LINGO2: variants seen among roughly 807,000 people sequenced by gnomAD.
The protein encoded by LINGO2 is leucine-rich repeat and immunoglobulin-like domain-containing nogo receptor-interacting protein 2.
A neutral mutation model predicts 30.6 loss-of-function variants in LINGO2; 14 were observed. The observed-to-expected ratio is 0.46, with a 90% CI of 0.30 to 0.72. The LOEUF is 0.72. Ranked by LOEUF, LINGO2 falls within the 30% of genes least tolerant of loss-of-function variation. The pLI, the probability that LINGO2 is intolerant of heterozygous loss-of-function variation, is 0.07. For missense variants in LINGO2, 729 were observed against 751.7 expected (o/e 0.97, Z 0.35); for synonymous variants, 317 against 288.5 (o/e 1.10, Z -1.00).
intron 5 of LINGO2, among the ~76,000 whole-genome samples, chr9:27,971,129 T>C (rs1450874612): frequency 6.6e-6 from 1 of 152,050 alleles, no homozygotes; most frequent in Non-Finnish European, 1.5e-5. Flanking sequence ...GTTCTATAGC[T>C]ACATGCTGTA....
chr9:28,800,432 T>A, the LINGO2 span, among the ~76,000 whole-genome samples: 1 of 152,216 alleles, frequency 6.6e-6, no homozygotes, highest in South Asian at 2.1e-4. Context: ...ACTGTCCTTT[T>A]GCAAATAATG....
chr9:29,002,301 G>A, the LINGO2 span, among the ~76,000 whole-genome samples: 2 of 151,942 alleles, frequency 1.3e-5, no homozygotes, highest in African/African-American at 4.8e-5. Flanking sequence ...ATTTAATCAT[G>A]TTTTGAACAG....
the LINGO2 span, among the ~76,000 whole-genome samples, chr9:28,817,984 A>T: frequency 6.6e-6 from 1 of 152,224 alleles, no homozygotes; most frequent in South Asian, 2.1e-4. Context: ...AGAAAACAAC[A>T]GTAAAATGGA....
chr9:28,939,254 G>T, the LINGO2 span, among the ~76,000 whole-genome samples: 1 of 152,110 alleles, frequency 6.6e-6, no homozygotes, highest in African/African-American at 2.4e-5. Flanking sequence ...CTCCTCCTCT[G>T]CTAGGACCTC....
chr9:28,158,356 T>C (rs1396576335), intron 4 of LINGO2, among the ~76,000 whole-genome samples: 2 of 152,112 alleles, frequency 1.3e-5, no homozygotes, highest in Non-Finnish European at 2.9e-5. Flanking sequence ...AAGATGAGAT[T>C]TGGGTGGGTC....
intron 3 of LINGO2, among the ~76,000 whole-genome samples, chr9:28,341,426 C>G (rs868683243): frequency 9.2e-5 from 14 of 152,150 alleles, no homozygotes; most frequent in African/African-American, 3.1e-4. Context: ...TCACAAAATA[C>G]AACTCTGTGA....
At chr9:28,650,785 T>G (rs568272918) in intron 1 of LINGO2, among the ~76,000 whole-genome samples, 40 of 152,324 alleles carry the variant, frequency 2.6e-4, no homozygotes, top group African/African-American at 9.6e-4. Flanking sequence ...TCATTATCCA[T>G]AGTGATCACT....
the LINGO2 span, among the ~76,000 whole-genome samples, chr9:28,859,876 G>T: frequency 6.6e-6 from 1 of 151,878 alleles, no homozygotes; most frequent in Non-Finnish European, 1.5e-5. Context: ...AGAGAAATAT[G>T]TAATAGTAAA....
intron 2 of LINGO2, among the ~76,000 whole-genome samples, chr9:28,409,156 T>C (rs1822643564): frequency 6.6e-6 from 1 of 152,108 alleles, no homozygotes; most frequent in African/African-American, 2.4e-5. Flanking sequence ...GTGTTTAAAA[T>C]GAAAACTTCC....
chr9:28,376,054 G>T (rs1365271416), intron 2 of LINGO2, among the ~76,000 whole-genome samples: 2 of 151,780 alleles, frequency 1.3e-5, no homozygotes, highest in South Asian at 2.1e-4. Context: ...TGGCATGCAG[G>T]TGATACACTA....
chr9:28,449,254 CT>C (rs1442809688), intron 2 of LINGO2, among the ~76,000 whole-genome samples: 1 of 152,006 alleles, frequency 6.6e-6, no homozygotes, highest in Non-Finnish European at 1.5e-5. Context: ...CAGGGAAGCA[CT>C]GGCTGGATTA....
At chr9:29,157,276 G>T in the LINGO2 span, among the ~76,000 whole-genome samples, 1 of 152,054 alleles carries the variant, frequency 6.6e-6, no homozygotes, top group African/African-American at 2.4e-5. Context: ...AATAAGATTT[G>T]ATATGTTCAA....
rs543098544 is a variant in LINGO2 at position 28,307,298 on chromosome 9, C to T, written c.-245-11932G>A. Among the ~76,000 whole-genome samples the T allele has an allele frequency of 2.6e-5, 4 of 152,202 alleles. No individual in the cohort carries two copies. In the South Asian group the frequency reaches 8.3e-4, roughly 32 times the overall value. On this transcript the variant is annotated intron_variant, in intron 3 of 5. Transcript: ENST00000379992. ...ATATATGTAAATCAATAAATGTAAT[C>T]CAGCACATAAACAGAACCAAAGACA...
At chr9:28,972,872 A>G in the LINGO2 span, among the ~76,000 whole-genome samples, 1 of 152,172 alleles carries the variant, frequency 6.6e-6, no homozygotes, top group African/African-American at 2.4e-5. Flanking sequence ...CAGCATGGGA[A>G]AAACCTGCCC....
At chr9:28,518,875 G>C (rs1167658604) in intron 1 of LINGO2, among the ~76,000 whole-genome samples, 1 of 152,168 alleles carries the variant, frequency 6.6e-6, no homozygotes. Flanking sequence ...CGGAAACCTA[G>C]AGAGAAAAGG....
At chr9:28,350,726 C>A (rs368391676) in intron 3 of LINGO2, among the ~76,000 whole-genome samples, 433 of 149,502 alleles carry the variant, frequency 2.9e-3, no homozygotes, top group African/African-American at 0.01. Context: ...ACACCTATTC[C>A]AAAATTGACC....
intron 1 of LINGO2, among the ~76,000 whole-genome samples, chr9:28,642,177 A>G (rs975149664): frequency 1.4e-4 from 21 of 152,246 alleles, no homozygotes; most frequent in Admixed American, 3.3e-4. Context: ...AATATACTGT[A>G]AAGTTCATTG....
chr9:28,525,740 C>T (rs190072385), intron 1 of LINGO2, among the ~76,000 whole-genome samples: 73 of 152,188 alleles, frequency 4.8e-4, no homozygotes, highest in African/African-American at 1.6e-3. Flanking sequence ...TGTCACAAAA[C>T]TCTAAAAATA....
chr9:28,666,934 C>T (rs1033124553), intron 1 of LINGO2, among the ~76,000 whole-genome samples: 2 of 151,998 alleles, frequency 1.3e-5, no homozygotes, highest in Admixed American at 1.3e-4. Context: ...AAAAAATATT[C>T]TTTATATTAA....
Sources: allele counts gnomAD v4.1 joint callset (sites outside exome capture counted in the v4.1 genomes callset), GRCh38; gene constraint gnomAD v4.1.1; transcripts MANE v1.5; gene names NCBI Gene and HGNC (gene_info 2026-07-23, HGNC 2026-07-21).